Variants in NXPE4 observed in about 807,000 individuals in gnomAD.
NXPE4 encodes the protein neurexophilin and PC-esterase domain family member 4.
A neutral mutation model predicts 33.3 loss-of-function variants in NXPE4; 42 were observed. The observed-to-expected ratio is 1.26, with a 90% CI of 0.98 to 1.63. The LOEUF (loss-of-function observed/expected upper bound fraction) is 1.63. NXPE4 is among the 40% of genes most tolerant of loss of function. The pLI, the probability that NXPE4 is intolerant of heterozygous loss-of-function variation, is 0.00. For missense variants in NXPE4, 709 were observed against 647.6 expected (o/e 1.09, Z -1.03); for synonymous variants, 253 against 234.9 (o/e 1.08, Z -0.71).
the NXPE4 span, among the ~76,000 whole-genome samples, chr11:114,655,307 G>A: frequency 2.4e-3 from 367 of 152,174 alleles, 4 homozygotes; most frequent in African/African-American, 8.2e-3. Flanking sequence ...TTCTTTTGCT[G>A]TGCAAAAACT....
chr11:114,591,775 C>T (rs577665346), intron 2 of NXPE4, among the ~76,000 whole-genome samples: 2 of 152,120 alleles, frequency 1.3e-5, no homozygotes, highest in African/African-American at 4.8e-5. Context: ...ATGATGTTTG[C>T]TAAAAGTAGT....
the NXPE4 span, among the ~76,000 whole-genome samples, chr11:114,615,515 C>T: frequency 6.6e-6 from 1 of 151,694 alleles, no homozygotes; most frequent in African/African-American, 2.4e-5. Flanking sequence ...ATACATGTTG[C>T]CTCACAGGTA....
the NXPE4 span, among the ~76,000 whole-genome samples, chr11:114,637,592 T>C: frequency 0.42 from 62,152 of 148,512 alleles, 14,065 homozygotes; most frequent in African/African-American, 0.6. Context: ...GATTTTGCAG[T>C]GGCTGGTACC....
At chr11:114,649,954 AATTAT>A in the NXPE4 span, among the ~76,000 whole-genome samples, 3 of 152,206 alleles carry the variant, frequency 2.0e-5, no homozygotes, top group Admixed American at 6.5e-5. Context: ...GAAATGGATG[AATTAT>A]ATTATATGTA....
At chr11:114,631,236 C>G in the NXPE4 span, among the ~76,000 whole-genome samples, 1 of 151,410 alleles carries the variant, frequency 6.6e-6, no homozygotes, top group Non-Finnish European at 1.5e-5. Context: ...ATGTTTATTG[C>G]GGCATTATTC....
At chr11:114,612,787 G>T in the NXPE4 span, among the ~76,000 whole-genome samples, 155 of 152,058 alleles carry the variant, frequency 1.0e-3, no homozygotes, top group African/African-American at 3.7e-3. Context: ...GTTACCTGGT[G>T]GATAATAAGT....
chr11:114,632,124 A>G, the NXPE4 span, among the ~76,000 whole-genome samples: 1 of 144,376 alleles, frequency 6.9e-6, no homozygotes, highest in Non-Finnish European at 1.5e-5. Flanking sequence ...TATATATTAT[A>G]ATAAAATATA....
At chr11:114,658,875 G>A in the NXPE4 span, among the ~76,000 whole-genome samples, 1 of 152,126 alleles carries the variant, frequency 6.6e-6, no homozygotes, top group Non-Finnish European at 1.5e-5. Context: ...CATTCTCCCA[G>A]TAGGCTAGGC....
the NXPE4 span, among the ~76,000 whole-genome samples, chr11:114,625,995 T>C: frequency 6.6e-6 from 1 of 152,146 alleles, no homozygotes; most frequent in South Asian, 2.1e-4. Flanking sequence ...CACCAGGAGA[T>C]TATATCCCGC....
chr11:114,633,967 G>T, the NXPE4 span, among the ~76,000 whole-genome samples: 1 of 151,956 alleles, frequency 6.6e-6, no homozygotes, highest in East Asian at 1.9e-4. Context: ...TAGCCCTTTG[G>T]GTATATACCC....
rs986494678 is a variant in NXPE4 at position 114,582,842 on chromosome 11, G to T, written c.276C>A (p.Asn92Lys). 6.2e-7 allele frequency: 1 copy of T among 1,614,200 alleles called. No individual in the cohort carries two copies. The highest frequency in any genetic ancestry group is 8.5e-7 in the Non-Finnish European group (1 of 1,180,022). ...TGCTATGTGTGGCGCTGGTGGTGGTGTTCACGTGGGTGAAAGGTCTGGGTG... is the reference window on the plus strand; with the variant it reads ...TGCTATGTGTGGCGCTGGTGGTGGTTTTCACGTGGGTGAAAGGTCTGGGTG... The part of the protein sequence containing the change: ...QIPPRPFTHV[N>K]TTTSATHSTA... The change falls in exon 3 of 6, where the codon AAC (asparagine) becomes AAA (lysine). Residue 92 changes from asparagine (N) to lysine (K), a missense_variant. Physicochemically the swap from Asn to Lys is moderately conservative, Grantham distance 94. Transcript: ENST00000375478.
At chr11:114,594,472 A>G (rs955580554) in intron 2 of NXPE4, among the ~76,000 whole-genome samples, 192 bp downstream of exon 2, 20 of 152,210 alleles carry the variant, frequency 1.3e-4, no homozygotes, top group African/African-American at 4.8e-4. Context: ...AAGAATGTGT[A>G]TGTGTGAACA....
At chr11:114,607,559 G>A in the NXPE4 span, among the ~76,000 whole-genome samples, 25 of 152,108 alleles carry the variant, frequency 1.6e-4, no homozygotes, top group East Asian at 1.5e-3. Flanking sequence ...GTATTGCCTC[G>A]TGGGTAACCA....
chr11:114,610,280 G>T, the NXPE4 span, among the ~76,000 whole-genome samples: 4 of 151,600 alleles, frequency 2.6e-5, no homozygotes, highest in Non-Finnish European at 5.9e-5. Context: ...TGCCTACCCG[G>T]TGGATAATAA....
chr11:114,653,821 C>A, the NXPE4 span, among the ~76,000 whole-genome samples: 1 of 152,076 alleles, frequency 6.6e-6, no homozygotes, highest in Non-Finnish European at 1.5e-5. Flanking sequence ...AGCCACCGCG[C>A]CTGGCCTGTC....
Position 114,582,698 on chromosome 11 carries a change from G to C in NXPE4, c.420C>G (p.Ala140=). ...CCATCAGCGCTGGGGAAGACATCCT[G>C]GCCCTCAGGAAATCCCCGCCATATT... The part of the protein sequence containing the change: ...RKQYGGDFLR[A]RMSSPALMAG... The change falls in exon 3 of 6, where the codon GCC becomes GCG. Residue 140 remains alanine, a synonymous_variant. Transcript: ENST00000375478. The C allele has an allele frequency of 6.2e-7, 1 of 1,614,120 alleles. No homozygotes were observed. The highest frequency in any genetic ancestry group is 1.3e-5 in the African/African-American group (1 of 75,038).
chr11:114,677,961 T>C, the NXPE4 span, among the ~76,000 whole-genome samples: 10 of 152,072 alleles, frequency 6.6e-5, no homozygotes, highest in Non-Finnish European at 1.2e-4. Flanking sequence ...TCTCTTACCT[T>C]GTTACATATT....
In NXPE4 at chr11:114,582,495, A is replaced by G; in HGVS notation, c.623T>C (p.Phe208Ser). The part of the protein sequence containing the change: ...GYDRVIFTGQ[F>S]VNGTSQVHSE... The stretch of plus-strand genomic sequence containing the variant: ...GTGGACTTGGGAAGTGCCATTGACA[A>G]ACTGGCCAGTGAAGATCACCCTGTC... Residue 208 changes from phenylalanine (F) to serine (S), a missense_variant, in exon 3 of 6, where the codon TTT (phenylalanine) becomes TCT (serine). Physicochemically the swap from Phe to Ser is radical, Grantham distance 155. Transcript: ENST00000375478. 6.2e-7 allele frequency: 1 copy of G among 1,614,100 alleles called. No homozygotes were observed. The highest frequency in any genetic ancestry group is 8.5e-7 in the Non-Finnish European group (1 of 1,180,002).
chr11:114,646,091 A>G, the NXPE4 span, among the ~76,000 whole-genome samples: 1 of 152,040 alleles, frequency 6.6e-6, no homozygotes, highest in Non-Finnish European at 1.5e-5. Flanking sequence ...ACTTCCCTTC[A>G]ACTTCTTTTA....
Sources: gnomAD v4.1 joint callset for allele counts (sites outside exome capture counted in the v4.1 genomes callset) on GRCh38, gnomAD v4.1.1 for gene constraint, MANE v1.5 for transcripts, NCBI Gene and HGNC (gene_info 2026-07-23, HGNC 2026-07-21) for gene names.